DUSP16: variants seen among roughly 807,000 people sequenced by gnomAD.
DUSP16 encodes the protein dual specificity protein phosphatase 16.
In DUSP16, 21 loss-of-function variants were observed where a neutral mutation model predicts 58.3. The ratio of observed to expected loss-of-function variants is 0.36; its 90% confidence interval spans 0.26 to 0.52. The LOEUF (loss-of-function observed/expected upper bound fraction) is 0.52, where lower values mean the gene tolerates loss of function less well. Among genes scored for constraint, DUSP16 ranks in the 20% least tolerant of loss-of-function variants. DUSP16 has a pLI of 0.94. For synonymous variants in DUSP16, 320 were observed against 323.8 expected, an observed-to-expected ratio of 0.99 and a Z score of 0.12; for missense variants, 726 against 819.0, an observed-to-expected ratio of 0.89 and a Z score of 1.39.
intron 1 of DUSP16, among the ~76,000 whole-genome samples, chr12:12,526,582 G>A (rs1034178263): frequency 2.0e-5 from 3 of 152,120 alleles, no homozygotes; most frequent in Non-Finnish European, 2.9e-5. Flanking sequence ...TTACTTAAAA[G>A]GAAAATGTTT....
rs899649974 is a variant in DUSP16, at chr12:12,521,179, C to A, written c.-81G>T. ...ATGGTGGTGTGCTCAAAGGCTCAGC[C>A]ACTCCATTGTACTAAAAGTGTATGA... On this transcript the variant is annotated 5_prime_UTR_variant, in exon 2 of 7. Coordinates refer to ENST00000298573, the MANE Select transcript of DUSP16 (RefSeq NM_030640.3). The A allele has an allele frequency of 2.6e-6, 4 of 1,547,990 alleles. No homozygotes were observed. The Admixed American group carries it at 7.7e-5, about 30-fold the overall frequency.
intron 3 of DUSP16, among the ~76,000 whole-genome samples, chr12:12,512,916 G>C (rs1460524020): frequency 6.6e-6 from 1 of 152,038 alleles, no homozygotes; most frequent in Non-Finnish European, 1.5e-5. Flanking sequence ...AGAATTTATG[G>C]TAATAGCACA....
At chr12:12,520,073 C>G in intron 2 of DUSP16, 73 bp from the exon 3 acceptor site, 1 of 1,495,840 alleles carries the variant, frequency 6.7e-7, no homozygotes. Flanking sequence ...TAAGATCTCA[C>G]ATTTACCAGT....
intron 1 of DUSP16, among the ~76,000 whole-genome samples, chr12:12,558,208 C>A (rs1484433745): frequency 6.6e-6 from 1 of 152,218 alleles, no homozygotes; most frequent in Admixed American, 6.5e-5. Context: ...AGTAGTTAAT[C>A]CAGAAATTCA....
At chr12:12,483,734 T>C (rs1182872110) in intron 5 of DUSP16, among the ~76,000 whole-genome samples, 1 of 152,096 alleles carries the variant, frequency 6.6e-6, no homozygotes, top group Non-Finnish European at 1.5e-5. Flanking sequence ...GAGTATCCCA[T>C]AGCACAAACG....
chr12:12,545,076 A>G (rs1196434785), intron 1 of DUSP16, among the ~76,000 whole-genome samples: 1 of 152,208 alleles, frequency 6.6e-6, no homozygotes, highest in Non-Finnish European at 1.5e-5. Context: ...TTGCACTGCC[A>G]TATGAATTTT....
chr12:12,554,748 G>T (rs1011718031), intron 1 of DUSP16: 7 of 151,704 alleles, frequency 4.6e-5, no homozygotes, highest in Non-Finnish European at 1.0e-4. Flanking sequence ...CATTATGGTT[G>T]TAACTATTAA....
chr12:12,484,890 G>T (rs1473187173), intron 5 of DUSP16, among the ~76,000 whole-genome samples: 1 of 152,134 alleles, frequency 6.6e-6, no homozygotes, highest in East Asian at 1.9e-4. Context: ...GGGATTACAG[G>T]CGTAAGCCAC....
intron 3 of DUSP16, among the ~76,000 whole-genome samples, chr12:12,508,380 A>T (rs1944028279): frequency 6.6e-6 from 1 of 152,238 alleles, no homozygotes; most frequent in Admixed American, 6.5e-5. Flanking sequence ...AGCAAACAAA[A>T]TATGTAACTA....
At chr12:12,553,750 C>T (rs1446470854) in intron 1 of DUSP16, among the ~76,000 whole-genome samples, 1 of 152,058 alleles carries the variant, frequency 6.6e-6, no homozygotes, top group Non-Finnish European at 1.5e-5. Context: ...CACCATGTTG[C>T]CCAGGCTGGT....
intron 1 of DUSP16, among the ~76,000 whole-genome samples, chr12:12,539,879 C>A (rs532012254): frequency 3.9e-5 from 6 of 151,914 alleles, no homozygotes; most frequent in African/African-American, 4.8e-5. Flanking sequence ...GGTGAAACCC[C>A]GTCTCTACTA....
chr12:12,503,224 CTTTTTTTTTT>C (rs34349090), intron 3 of DUSP16, among the ~76,000 whole-genome samples: 1 of 115,434 alleles, frequency 8.7e-6, no homozygotes, highest in Non-Finnish European at 1.8e-5. Context: ...CTGGTTATTG[CTTTTTTTTTT>C]TTTTTTTTTG....
At chr12:12,557,547 T>C (rs902646686) in intron 1 of DUSP16, among the ~76,000 whole-genome samples, 1 of 152,180 alleles carries the variant, frequency 6.6e-6, no homozygotes, top group East Asian at 1.9e-4. Context: ...TTTCTTTTTT[T>C]AAAAACTGGT....
intron 5 of DUSP16, 112 bp from the exon 6 acceptor site, chr12:12,480,458 T>C (rs1943543292): frequency 7.9e-7 from 1 of 1,270,428 alleles, no homozygotes; most frequent in Non-Finnish European, 1.1e-6. Context: ...TACGCAAATC[T>C]CATCTGTGTA....
chr12:12,549,776 TA>T (rs35578513), intron 1 of DUSP16, among the ~76,000 whole-genome samples: 10,623 of 147,816 alleles, frequency 0.072, 432 homozygotes, highest in East Asian at 0.14. Context: ...GCTTTTTTAT[TA>T]AAAAAAAAAA....
intron 3 of DUSP16, among the ~76,000 whole-genome samples, chr12:12,502,007 T>TA (rs141161780): frequency 0.055 from 8,387 of 151,912 alleles, 329 homozygotes; most frequent in Non-Finnish European, 0.088. Context: ...AAAATAAAAA[T>TA]AAAAAAACAA....
intron 1 of DUSP16, among the ~76,000 whole-genome samples, chr12:12,528,012 C>T (rs547588917): frequency 2.0e-5 from 3 of 152,334 alleles, no homozygotes; most frequent in South Asian, 2.1e-4. Flanking sequence ...TGTGAGAAGC[C>T]TTCACCAAAG....
At chr12:12,527,348 G>C (rs1489119703) in intron 1 of DUSP16, among the ~76,000 whole-genome samples, 1 of 146,428 alleles carries the variant, frequency 6.8e-6, no homozygotes, top group Non-Finnish European at 1.5e-5. Flanking sequence ...CTTAGACTTT[G>C]ACTGCCTCAA....
chr12:12,538,497 A>T (rs1359383530), intron 1 of DUSP16, among the ~76,000 whole-genome samples: 1 of 152,252 alleles, frequency 6.6e-6, no homozygotes, highest in Non-Finnish European at 1.5e-5. Flanking sequence ...AAAGACAGAA[A>T]ATAGCTTCTA....
Sources: allele counts gnomAD v4.1 joint callset (sites outside exome capture counted in the v4.1 genomes callset), GRCh38; gene constraint gnomAD v4.1.1; transcripts MANE v1.5; gene names NCBI Gene and HGNC (gene_info 2026-07-23, HGNC 2026-07-21).